SMUG1: variants seen among roughly 807,000 people sequenced by gnomAD.
The protein encoded by SMUG1 is single-strand-selective monofunctional uracil-DNA glycosylase 1, also known as single-strand selective monofunctional uracil DNA glycosylase.
SMUG1 carries 13 observed loss-of-function variants against 23.9 expected under a neutral mutation model. That is an observed-to-expected ratio of 0.54 (90% confidence interval 0.35 to 0.86). SMUG1 has a LOEUF of 0.86. Ranked by LOEUF, SMUG1 falls within the 40% of genes least tolerant of loss-of-function variation. The probability of loss-of-function intolerance (pLI) is 0.01; values close to 1 mark genes in which losing one functional copy is unlikely to be tolerated. For synonymous variants in SMUG1, 133 were observed against 139.8 expected, an observed-to-expected ratio of 0.95 and a Z score of 0.34; for missense variants, 313 against 339.5, an observed-to-expected ratio of 0.92 and a Z score of 0.61.
intron 3 of SMUG1, among the ~76,000 whole-genome samples, chr12:54,170,262 C>T (rs1376816538): frequency 6.6e-6 from 1 of 151,808 alleles, no homozygotes; most frequent in Non-Finnish European, 1.5e-5. Context: ...AGCGGCAAAG[C>T]AGTAAAGGTG....
downstream of SMUG1, among the ~76,000 whole-genome samples, chr12:54,176,663 C>A (rs1362677393): frequency 6.6e-6 from 1 of 151,620 alleles, no homozygotes; most frequent in African/African-American, 2.4e-5. Flanking sequence ...AAAAATTAGC[C>A]GGGCGTGGTA....
rs1252121327 is a variant in SMUG1, at chr12:54,185,474, AAAT to A, written c.-19-1518_-19-1516del. ...AAGAGCAAGACTCCATCTCAAAAAAAAATAAAATAAAAAATAAATAAATAAATA... is the reference window on the plus strand; with the variant it reads ...AAGAGCAAGACTCCATCTCAAAAAAAAAAATAAAAAATAAATAAATAAATA... On this transcript the variant is annotated intron_variant, in intron 2 of 3. Transcript: ENST00000682136. Among the ~76,000 whole-genome samples the A allele has an allele frequency of 2.1e-4, 18 of 86,140 alleles. 1 individual carries two copies. Among genetic ancestry groups the A allele is most frequent in the African/African-American group, 6.4e-4 (16 of 24,962 alleles). The allele number at this position is 86,140 out of a possible 152,430, so 56.5% of individuals were successfully genotyped here. A position where few individuals can be genotyped will look rare whatever the true frequency, so the allele number is the denominator to read the frequency against.
downstream of SMUG1, among the ~76,000 whole-genome samples, chr12:54,178,108 T>A (rs1940798931): frequency 6.6e-6 from 1 of 152,164 alleles, no homozygotes; most frequent in Non-Finnish European, 1.5e-5. Flanking sequence ...AAGGCAGCTA[T>A]CTGCAAGCTA....
At chr12:54,175,409 T>C (rs1940728715), downstream of SMUG1, among the ~76,000 whole-genome samples, 1 of 152,264 alleles carries the variant, frequency 6.6e-6, no homozygotes, top group Non-Finnish European at 1.5e-5. Flanking sequence ...GCCTAATTCC[T>C]GGCCTCTGAG....
chr12:54,158,866 T>A, intron 4 of SMUG1, among the ~76,000 whole-genome samples: 1 of 152,204 alleles, frequency 6.6e-6, no homozygotes, highest in Non-Finnish European at 1.5e-5. Flanking sequence ...TATCTCCACC[T>A]TTCTGTCTTT....
downstream of SMUG1, among the ~76,000 whole-genome samples, chr12:54,160,642 G>A (rs1448969061): frequency 6.6e-6 from 1 of 152,192 alleles, no homozygotes; most frequent in Non-Finnish European, 1.5e-5. Flanking sequence ...AAGCCCAAAA[G>A]TGAAGGTCTC....
At chr12:54,164,377 T>C (rs1270424327), downstream of SMUG1, 1 of 151,424 alleles carries the variant, frequency 6.6e-6, no homozygotes, top group Non-Finnish European at 1.5e-5. Flanking sequence ...GCAAAGTAAA[T>C]GAGGGGCAGT....
chr12:54,184,928 C>A lies in SMUG1; in HGVS notation c.-19-969G>T, dbSNP rs1407890408. Among the ~76,000 whole-genome samples, 5 of 152,228 alleles carry A rather than the reference C, an allele frequency of 3.3e-5. No homozygotes were observed. In the East Asian group the frequency reaches 9.6e-4, roughly 29 times the overall value. On this transcript the variant is annotated intron_variant, in intron 2 of 3. Transcript: ENST00000682136. ...CCTGTAATCCCAGCACTTTGGGAGGCCAAGGCGGCTGAATCACCTTAGGTC... is the reference window on the plus strand; with the variant it reads ...CCTGTAATCCCAGCACTTTGGGAGGACAAGGCGGCTGAATCACCTTAGGTC...
At chr12:54,158,677 ACCT>A (rs1390563960) in intron 4 of SMUG1, among the ~76,000 whole-genome samples, 1 of 151,574 alleles carries the variant, frequency 6.6e-6, no homozygotes, top group Non-Finnish European at 1.5e-5. Flanking sequence ...ATGTGTCACA[ACCT>A]CCTCAAGCGT....
chr12:54,188,297 A>T (rs201903068), intron 1 of SMUG1, among the ~76,000 whole-genome samples: 3,436 of 57,654 alleles, frequency 0.06, 51 homozygotes, highest in Middle Eastern at 0.14. Flanking sequence ...ATAATAATAA[A>T]TAATAATAAT....
chr12:54,176,821 TA>T (rs201445348), downstream of SMUG1, among the ~76,000 whole-genome samples: 114 of 133,688 alleles, frequency 8.5e-4, no homozygotes, highest in Middle Eastern at 3.8e-3. Flanking sequence ...AAATAAAAAC[TA>T]AAAAAAAAAA....
intron 3 of SMUG1, chr12:54,183,404 G>C (rs1192065818): frequency 8.7e-6 from 5 of 571,852 alleles, no homozygotes; most frequent in Non-Finnish European, 1.6e-5. Context: ...CGGAAGGAAG[G>C]GCTCTCAGAG....
chr12:54,178,002 A>G (rs1275583921), downstream of SMUG1, among the ~76,000 whole-genome samples: 1 of 152,192 alleles, frequency 6.6e-6, no homozygotes, highest in East Asian at 1.9e-4. Context: ...ATTGGGTAAT[A>G]AGGGGGGACC....
At chr12:54,179,234 CGT>C (rs1382226971), downstream of SMUG1, among the ~76,000 whole-genome samples, 1 of 152,200 alleles carries the variant, frequency 6.6e-6, no homozygotes, top group Non-Finnish European at 1.5e-5. Context: ...GCCCTGTGAT[CGT>C]GTGAGTCAAT....
intron 1 of SMUG1, among the ~76,000 whole-genome samples, chr12:54,188,289 A>T (rs1942961280): frequency 3.5e-5 from 1 of 28,572 alleles, no homozygotes; most frequent in African/African-American, 1.1e-4. Context: ...TAATAATAAT[A>T]ATAATAAATA....
downstream of SMUG1, among the ~76,000 whole-genome samples, chr12:54,177,656 GAAA>G (rs368744648): frequency 7.1e-6 from 1 of 140,178 alleles, no homozygotes; most frequent in African/African-American, 2.6e-5. Flanking sequence ...ACCACTCAGA[GAAA>G]AAAAAAAAAC....
intron 3 of SMUG1, among the ~76,000 whole-genome samples, chr12:54,169,022 C>G (rs993686508): frequency 6.6e-6 from 1 of 152,176 alleles, no homozygotes; most frequent in African/African-American, 2.4e-5. Context: ...ACAATGGCCC[C>G]CACCCCAACT....
chr12:54,188,685 C>T (rs1426158461), intron 1 of SMUG1: 1 of 152,122 alleles, frequency 6.6e-6, no homozygotes, highest in Non-Finnish European at 1.5e-5. Flanking sequence ...ACCATTTCAT[C>T]TGGTTCCAAA....
Position 54,181,466 on chromosome 12 carries a change from G to A in SMUG1, c.*630C>T. ...TAGGCATCCCTGTTTTACAGATGAG[G>A]AGCCTGAGGCATAGAGAGGTTTATT... On this transcript the variant is annotated 3_prime_UTR_variant, in exon 4 of 4. Transcript: ENST00000682136. 1.6e-6 allele frequency: 2 copies of A among 1,218,602 alleles called. No homozygotes were observed. Among genetic ancestry groups the A allele is most frequent in the Non-Finnish European group, 2.3e-6 (2 of 860,540 alleles). The allele number at this position is 1,218,602 out of a possible 1,614,324, so 75.5% of individuals were successfully genotyped here.
Sources: gnomAD v4.1 joint callset for allele counts (sites outside exome capture counted in the v4.1 genomes callset) on GRCh38, gnomAD v4.1.1 for gene constraint, MANE v1.5 for transcripts, NCBI Gene and HGNC (gene_info 2026-07-23, HGNC 2026-07-21) for gene names.